The following ZFAT variants were observed in gnomAD, a reference collection of about 807,000 sequenced individuals.
ZFAT encodes the protein zinc finger and AT-hook domain containing.
Under a neutral mutation model 117.7 loss-of-function variants are expected in ZFAT, and 64 were observed. The ratio of observed to expected loss-of-function variants is 0.54; its 90% CI spans 0.44 to 0.67. The LOEUF is 0.67. Ranked by LOEUF, ZFAT falls within the 30% of genes least tolerant of loss-of-function variation. The pLI, the probability that ZFAT is intolerant of heterozygous loss-of-function variation, is 0.00. For missense variants in ZFAT, 1,433 were observed against 1,584.5 expected, an observed-to-expected ratio of 0.90 and a Z score of 1.62; for synonymous variants, 679 against 615.0, an observed-to-expected ratio of 1.10 and a Z score of -1.54.
At chr8:134,757,296 C>T in the ZFAT span, among the ~76,000 whole-genome samples, 3 of 152,190 alleles carry the variant, frequency 2.0e-5, no homozygotes, top group Non-Finnish European at 2.9e-5. Flanking sequence ...GGATTACAGC[C>T]GTGAGCCACC....
chr8:134,526,850 A>AT (rs1381465344), intron 12 of ZFAT, among the ~76,000 whole-genome samples: 8 of 149,878 alleles, frequency 5.3e-5, no homozygotes, highest in East Asian at 3.9e-4. Flanking sequence ...TTTATTTTTT[A>AT]TTTTTTTTTG....
the ZFAT span, among the ~76,000 whole-genome samples, chr8:134,748,545 T>C: frequency 0.012 from 1,873 of 152,310 alleles, 15 homozygotes; most frequent in South Asian, 0.028. Flanking sequence ...AAAAGACAAA[T>C]GTTGCTTTAG....
chr8:134,706,225 G>A (rs1777066963), intron 1 of ZFAT, among the ~76,000 whole-genome samples: 1 of 152,208 alleles, frequency 6.6e-6, no homozygotes, highest in Admixed American at 6.5e-5. Flanking sequence ...AACATTCACT[G>A]CAGCTTTATT....
At chr8:134,660,610 T>G (rs187276859) in intron 1 of ZFAT, among the ~76,000 whole-genome samples, 1 of 152,294 alleles carries the variant, frequency 6.6e-6, no homozygotes, top group East Asian at 1.9e-4. Context: ...TATAGACATG[T>G]CACAGAACAA....
At chr8:134,554,121 A>T (rs1234404044) in intron 11 of ZFAT, among the ~76,000 whole-genome samples, 2 of 152,186 alleles carry the variant, frequency 1.3e-5, no homozygotes, top group African/African-American at 2.4e-5. Context: ...TACTCACATA[A>T]GCCACAGTCT....
At chr8:134,523,665 G>T (rs1344074503) in intron 12 of ZFAT, among the ~76,000 whole-genome samples, 1 of 152,134 alleles carries the variant, frequency 6.6e-6, no homozygotes, top group African/African-American at 2.4e-5. Context: ...TGGCTGGCAA[G>T]TCCCGCCTCC....
intron 4 of ZFAT, 140 bp from the exon 5 acceptor site, chr8:134,609,019 C>T: frequency 9.4e-7 from 1 of 1,066,634 alleles, no homozygotes; most frequent in Non-Finnish European, 1.3e-6. Context: ...ACTCAGCTCG[C>T]ACATTTACAT....
intron 8 of ZFAT, 143 bp from the exon 9 acceptor site, chr8:134,588,538 G>T: frequency 1.1e-6 from 1 of 900,230 alleles, no homozygotes; most frequent in Non-Finnish European, 1.6e-6. Context: ...CACCTAAAAA[G>T]TAAAACCAGA....
intron 1 of ZFAT, among the ~76,000 whole-genome samples, chr8:134,695,712 A>C (rs1037324853): frequency 6.9e-6 from 1 of 145,724 alleles, no homozygotes; most frequent in African/African-American, 2.6e-5. Flanking sequence ...TCTCTAACCA[A>C]GGAGGCGCTG....
intron 1 of ZFAT, among the ~76,000 whole-genome samples, chr8:134,696,920 A>G (rs986199840): frequency 1.2e-4 from 18 of 144,702 alleles, no homozygotes; most frequent in African/African-American, 2.3e-4. Context: ...TAATCCAACA[A>G]TTTTTTTTTT....
At chr8:134,617,698 A>T (rs1828842424) in intron 3 of ZFAT, among the ~76,000 whole-genome samples, 1 of 152,150 alleles carries the variant, frequency 6.6e-6, no homozygotes, top group African/African-American at 2.4e-5. Context: ...TACAAAACAG[A>T]CAGTTTGTAT....
chr8:134,578,562 G>A (rs1429849735), intron 10 of ZFAT, among the ~76,000 whole-genome samples: 3 of 152,126 alleles, frequency 2.0e-5, no homozygotes, highest in Non-Finnish European at 4.4e-5. Context: ...AGATAGACAG[G>A]AGGGTTCTGA....
chr8:134,830,302 G>A, the ZFAT span, among the ~76,000 whole-genome samples: 1 of 152,160 alleles, frequency 6.6e-6, no homozygotes, highest in African/African-American at 2.4e-5. Flanking sequence ...TGGCCAATAG[G>A]AGCAAGATGT....
Position 134,520,904 on chromosome 8 carries a change from A to C in ZFAT, c.3213T>G (p.Ile1071Met). 6.2e-7 allele frequency: 1 copy of C among 1,613,882 alleles called. No individual in the cohort carries two copies. Residue 1071 changes from isoleucine to methionine, a missense_variant, in exon 13 of 16, where the codon ATT (isoleucine) becomes ATG (methionine). By Grantham distance (10) the Ile-to-Met change is conservative. Coordinates refer to ENST00000377838, the MANE Select transcript of ZFAT (RefSeq NM_020863.4). The part of the protein sequence containing the change: ...KNKHGLKVVE[I>M]DGDPKWETAT... ...TTACCTCCCACTTGGGGTCTCCATCAATTTCCACCACCTTCAAGCCATGTT... is the reference window on the plus strand; with the variant it reads ...TTACCTCCCACTTGGGGTCTCCATCCATTTCCACCACCTTCAAGCCATGTT...
chr8:134,554,757 G>A (rs1044827705), intron 11 of ZFAT, among the ~76,000 whole-genome samples: 3 of 152,210 alleles, frequency 2.0e-5, no homozygotes, highest in African/African-American at 4.8e-5. Flanking sequence ...CTGGTAGAGC[G>A]CCTGTATGAT....
Position 134,637,469 on chromosome 8 carries a change from C to G in ZFAT, c.440G>C (p.Gly147Ala), listed in dbSNP as rs751233628. Residue 147 changes from glycine to alanine, a missense_variant, in exon 3 of 16, where the codon GGA (glycine) becomes GCA (alanine). Around this residue, in one of 5 missense-constraint regions of ZFAT, gnomAD observed 436 missense variants for 482.0 expected, o/e 0.90. Coordinates refer to ENST00000377838, the MANE Select transcript of ZFAT (RefSeq NM_020863.4). ...IIVLNLGEEE[G>A]EAGNESDLEL... ...CCTTTGGCAGCATTTACCTGCTTCT[C>G]CTTCCTCCTCACCCAAATTCAGCAC... The G allele has an allele frequency of 3.7e-6, 6 of 1,607,238 alleles. No homozygotes were observed. The Admixed American group carries it at 1.0e-4, about 27-fold the overall frequency.
intron 1 of ZFAT, among the ~76,000 whole-genome samples, chr8:134,675,396 G>C (rs910392812): frequency 6.6e-6 from 1 of 152,206 alleles, no homozygotes; most frequent in Middle Eastern, 3.4e-3. Context: ...GAGAAGACAA[G>C]ATTAGAGAAA....
chr8:134,613,725 G>C (rs1294941626), intron 3 of ZFAT, among the ~76,000 whole-genome samples: 1 of 152,224 alleles, frequency 6.6e-6, no homozygotes, highest in Non-Finnish European at 1.5e-5. Context: ...GCTCTGAGGA[G>C]AAGGGTCCAG....
intron 15 of ZFAT, among the ~76,000 whole-genome samples, chr8:134,487,622 C>A (rs942866731): frequency 6.6e-6 from 1 of 152,244 alleles, no homozygotes; most frequent in Admixed American, 6.5e-5. Flanking sequence ...CTCCTTCCCC[C>A]ACACTCAATT....
Sources: gnomAD v4.1 joint callset for allele counts (sites outside exome capture counted in the v4.1 genomes callset) on GRCh38, gnomAD v4.1.1 for gene constraint, gnomAD v4.1.1 regional missense constraint, MANE v1.5 for transcripts, NCBI Gene and HGNC (gene_info 2026-07-23, HGNC 2026-07-21) for gene names.